Variants in LARP4B observed in about 807,000 individuals in gnomAD.
LARP4B encodes the protein la-related protein 4B.
In LARP4B, 12 loss-of-function variants were observed where a neutral mutation model predicts 89.8. The ratio of observed to expected loss-of-function variants is 0.13; its 90% CI spans 0.09 to 0.22. LARP4B has a LOEUF of 0.22. Ranked by LOEUF, LARP4B falls within the 10% of genes least tolerant of loss-of-function variation. The probability of loss-of-function intolerance (pLI) is 1.00; values close to 1 mark genes in which losing one functional copy is unlikely to be tolerated. For missense variants in LARP4B, 757 were observed against 947.7 expected (o/e 0.80, Z 2.64); for synonymous variants, 367 against 363.3 (o/e 1.01, Z -0.12).
chr10:817,911 G>A (rs767451724), intron 14 of LARP4B, 22 bp from the exon 15 acceptor site: 5 of 1,608,732 alleles, frequency 3.1e-6, no homozygotes, highest in Non-Finnish European at 4.3e-6. Flanking sequence ...TGACACCCCA[G>A]GGTCACGGTA....
intron 13 of LARP4B, among the ~76,000 whole-genome samples, chr10:823,084 G>A (rs1165494215): frequency 6.6e-6 from 1 of 152,270 alleles, no homozygotes; most frequent in Admixed American, 6.5e-5. Context: ...TCTCAAGACA[G>A]AGGGAAGGAG....
At chr10:900,525 T>G (rs1836312047) in intron 1 of LARP4B, among the ~76,000 whole-genome samples, 2 of 137,008 alleles carry the variant, frequency 1.5e-5, no homozygotes, top group African/African-American at 5.3e-5. Flanking sequence ...AGCCTCGACC[T>G]TCTGGGTCCA....
chr10:892,257 C>T (rs1298100708), intron 1 of LARP4B, among the ~76,000 whole-genome samples: 2 of 152,234 alleles, frequency 1.3e-5, no homozygotes, highest in South Asian at 4.1e-4. Flanking sequence ...TTCTCCCTTC[C>T]TATCTGTGGC....
the LARP4B span, among the ~76,000 whole-genome samples, chr10:970,204 G>C: frequency 1.3e-5 from 2 of 152,206 alleles, no homozygotes; most frequent in African/African-American, 4.8e-5. Flanking sequence ...CATTTATACA[G>C]CTCAAGGACA....
intron 1 of LARP4B, among the ~76,000 whole-genome samples, chr10:912,507 A>T (rs556980654): frequency 6.6e-5 from 10 of 152,000 alleles, no homozygotes; most frequent in African/African-American, 1.9e-4. Flanking sequence ...TCCACTCATT[A>T]AAGTCAGTAA....
intron 1 of LARP4B, among the ~76,000 whole-genome samples, chr10:916,024 G>C (rs1156422560): frequency 6.6e-6 from 1 of 152,130 alleles, no homozygotes; most frequent in African/African-American, 2.4e-5. Context: ...AAGTCCGAGA[G>C]AGACCTATTA....
chr10:914,436 T>A (rs1027117918), intron 1 of LARP4B, among the ~76,000 whole-genome samples: 1 of 151,936 alleles, frequency 6.6e-6, no homozygotes, highest in Non-Finnish European at 1.5e-5. Context: ...GAAAGGTAGG[T>A]TGCAGTGAGC....
At chr10:972,966 C>T in the LARP4B span, 1 of 438,034 alleles carries the variant, frequency 2.3e-6, no homozygotes. Flanking sequence ...CAGTTCCTCC[C>T]CGTGCAGTAG....
At chr10:911,077 AC>A (rs948087997) in intron 1 of LARP4B, among the ~76,000 whole-genome samples, 3 of 152,220 alleles carry the variant, frequency 2.0e-5, no homozygotes, top group African/African-American at 7.2e-5. Flanking sequence ...ATGTGTGTGC[AC>A]TTAGGGGGCA....
intron 3 of LARP4B, among the ~76,000 whole-genome samples, chr10:867,403 A>T (rs1387350450): frequency 3.3e-5 from 5 of 152,240 alleles, no homozygotes; most frequent in African/African-American, 1.2e-4. Context: ...AGAAAGTTAG[A>T]TTCTAAGCAA....
intron 7 of LARP4B, 39 bp downstream of exon 7, chr10:842,893 A>G (rs1833593339): frequency 3.2e-6 from 5 of 1,578,670 alleles, no homozygotes; most frequent in Non-Finnish European, 4.4e-6. Context: ...CAAATACTCT[A>G]AGGACAAGTA....
chr10:899,552 C>G (rs1383434325), intron 1 of LARP4B, among the ~76,000 whole-genome samples: 1 of 152,210 alleles, frequency 6.6e-6, no homozygotes, highest in Non-Finnish European at 1.5e-5. Flanking sequence ...CCTTGATCTT[C>G]TTCCTTTTGT....
intron 1 of LARP4B, among the ~76,000 whole-genome samples, chr10:929,753 A>C (rs1837249254): frequency 6.6e-6 from 1 of 152,218 alleles, no homozygotes; most frequent in Non-Finnish European, 1.5e-5. Flanking sequence ...TCTAATGAAT[A>C]AGCCATGCCT....
At chr10:950,827 T>G in the LARP4B span, among the ~76,000 whole-genome samples, 1 of 152,186 alleles carries the variant, frequency 6.6e-6, no homozygotes, top group Non-Finnish European at 1.5e-5. Flanking sequence ...GAATTTTGTA[T>G]GTTTGTCATG....
chr10:926,110 T>C (rs1309185884), intron 1 of LARP4B, among the ~76,000 whole-genome samples: 1 of 152,236 alleles, frequency 6.6e-6, no homozygotes, highest in African/African-American at 2.4e-5. Flanking sequence ...CTTATCTCTT[T>C]ACTTGAATTA....
upstream of LARP4B, among the ~76,000 whole-genome samples, chr10:931,858 G>T (rs1024931539): frequency 1.7e-4 from 25 of 151,362 alleles, no homozygotes; most frequent in Non-Finnish European, 3.5e-4. Context: ...GGGCGCACCC[G>T]ACGCTCGGCC....
chr10:912,859 A>T (rs1267822251), intron 1 of LARP4B, among the ~76,000 whole-genome samples: 5 of 152,164 alleles, frequency 3.3e-5, no homozygotes, highest in Admixed American at 1.3e-4. Context: ...GTGAGACCCC[A>T]TCAAAAACAA....
At chr10:974,626 CTGCT>C in the LARP4B span, among the ~76,000 whole-genome samples, 3 of 152,192 alleles carry the variant, frequency 2.0e-5, no homozygotes, top group Non-Finnish European at 4.4e-5. Flanking sequence ...CTGACCTGGG[CTGCT>C]TGTCTCAGAA....
At chr10:917,716 C>A (rs895477655) in intron 1 of LARP4B, among the ~76,000 whole-genome samples, 1 of 152,212 alleles carries the variant, frequency 6.6e-6, no homozygotes, top group African/African-American at 2.4e-5. Context: ...CAGCATAGTC[C>A]TTGGCTTGGC....
Sources: allele counts gnomAD v4.1 joint callset (sites outside exome capture counted in the v4.1 genomes callset), GRCh38; gene constraint gnomAD v4.1.1; transcripts MANE v1.5; gene names NCBI Gene and HGNC (gene_info 2026-07-23, HGNC 2026-07-21).